NKAIN2: variants seen among roughly 807,000 people sequenced by gnomAD.
NKAIN2 encodes the protein sodium/potassium transporting ATPase interacting 2.
Under a neutral mutation model 32.6 loss-of-function variants are expected in NKAIN2, and 14 were observed. The ratio of observed to expected loss-of-function variants is 0.43; its 90% CI spans 0.28 to 0.67. The LOEUF is 0.67. NKAIN2 is among the 30% of genes least tolerant of loss of function. The pLI, the probability that NKAIN2 is intolerant of heterozygous loss-of-function variation, is 0.17. For missense variants in NKAIN2, 198 were observed against 258.3 expected (o/e 0.77, Z 1.60); for synonymous variants, 80 against 87.2 (o/e 0.92, Z 0.46).
chr6:124,239,486 T>A (rs1562443622), intron 1 of NKAIN2, among the ~76,000 whole-genome samples: 1 of 152,132 alleles, frequency 6.6e-6, no homozygotes. Flanking sequence ...ATTGGCCACA[T>A]AATTGGAAGT....
intron 4 of NKAIN2, among the ~76,000 whole-genome samples, chr6:124,698,750 A>G (rs572292612): frequency 6.6e-6 from 1 of 152,232 alleles, no homozygotes; most frequent in South Asian, 2.1e-4. Flanking sequence ...TTCCTGTCCA[A>G]CTCCAAAGTT....
intron 2 of NKAIN2, among the ~76,000 whole-genome samples, chr6:124,289,098 T>A (rs985059796): frequency 1.3e-5 from 2 of 152,198 alleles, no homozygotes; most frequent in African/African-American, 4.8e-5. Context: ...GTTCTAAGAA[T>A]TGTAAACTCT....
chr6:124,111,316 A>G (rs1231710326), intron 1 of NKAIN2, among the ~76,000 whole-genome samples: 4 of 151,578 alleles, frequency 2.6e-5, no homozygotes, highest in Non-Finnish European at 5.9e-5. Context: ...GTCTCCTGCT[A>G]TTATTGTATT....
intron 1 of NKAIN2, among the ~76,000 whole-genome samples, chr6:124,163,072 A>C (rs1313356396): frequency 6.6e-6 from 1 of 152,060 alleles, no homozygotes; most frequent in African/African-American, 2.4e-5. Flanking sequence ...TGATTTTTTC[A>C]TCTTCATACT....
chr6:123,817,571 C>T (rs1034272767), intron 1 of NKAIN2, among the ~76,000 whole-genome samples: 4 of 152,222 alleles, frequency 2.6e-5, no homozygotes, highest in South Asian at 2.1e-4. Context: ...CTCTTTATCC[C>T]GAGGCCCGTG....
At chr6:124,371,017 C>T (rs1799736649) in intron 3 of NKAIN2, among the ~76,000 whole-genome samples, 1 of 152,184 alleles carries the variant, frequency 6.6e-6, no homozygotes, top group African/African-American at 2.4e-5. Flanking sequence ...AGTGTGTTAA[C>T]TGCGGCATCA....
intron 1 of NKAIN2, among the ~76,000 whole-genome samples, chr6:124,122,171 C>G (rs1028012882): frequency 6.6e-6 from 1 of 151,838 alleles, no homozygotes; most frequent in African/African-American, 2.4e-5. Context: ...TTAAAGTCAC[C>G]CATAATAGCC....
At chr6:123,831,317 G>T (rs1475914391) in intron 1 of NKAIN2, among the ~76,000 whole-genome samples, 1 of 151,500 alleles carries the variant, frequency 6.6e-6, no homozygotes, top group Non-Finnish European at 1.5e-5. Context: ...GACATTTGAT[G>T]AAAATAGTAT....
At chr6:124,300,633 G>A (rs568888410) in intron 2 of NKAIN2, among the ~76,000 whole-genome samples, 1 of 152,288 alleles carries the variant, frequency 6.6e-6, no homozygotes, top group Non-Finnish European at 1.5e-5. Flanking sequence ...CTTGTTGAAT[G>A]GCTTTGATCA....
At chr6:124,214,970 T>G (rs1381035819) in intron 1 of NKAIN2, among the ~76,000 whole-genome samples, 1 of 151,932 alleles carries the variant, frequency 6.6e-6, no homozygotes, top group African/African-American at 2.4e-5. Context: ...TGAGAAAAGC[T>G]GCCGATATAT....
intron 2 of NKAIN2, among the ~76,000 whole-genome samples, chr6:124,283,783 C>T (rs1435992347): frequency 6.6e-6 from 1 of 152,130 alleles, no homozygotes; most frequent in Non-Finnish European, 1.5e-5. Context: ...TGCCTCAGAT[C>T]TCAGCTACTG....
chr6:124,814,504 G>A (rs981976883), intron 5 of NKAIN2, among the ~76,000 whole-genome samples: 3 of 152,118 alleles, frequency 2.0e-5, no homozygotes, highest in Admixed American at 2.0e-4. Context: ...CATCAGCATG[G>A]TCCGAATAAT....
intron 1 of NKAIN2, among the ~76,000 whole-genome samples, chr6:124,265,289 C>A (rs1523981): frequency 0.094 from 14,283 of 151,824 alleles, 1,555 homozygotes; most frequent in African/African-American, 0.25. Context: ...ACAACGGAAA[C>A]AAACTTTGGA....
chr6:123,925,118 T>A (rs982883060), intron 1 of NKAIN2, among the ~76,000 whole-genome samples: 1 of 152,208 alleles, frequency 6.6e-6, no homozygotes, highest in Non-Finnish European at 1.5e-5. Context: ...TGGTTTCTAT[T>A]ATAGGTACTA....
At chr6:124,701,509 CAATA>C (rs1209464376) in intron 4 of NKAIN2, among the ~76,000 whole-genome samples, 1 of 151,876 alleles carries the variant, frequency 6.6e-6, no homozygotes, top group Non-Finnish European at 1.5e-5. Flanking sequence ...CAAACTGGCA[CAATA>C]AATAATAAAC....
At chr6:124,742,446 A>T (rs1441179171) in intron 4 of NKAIN2, among the ~76,000 whole-genome samples, 1 of 151,720 alleles carries the variant, frequency 6.6e-6, no homozygotes, top group African/African-American at 2.4e-5. Flanking sequence ...TATACCAGTG[A>T]CACATTCTCA....
chr6:124,221,807 G>A (rs1275093981), intron 1 of NKAIN2, among the ~76,000 whole-genome samples: 1 of 152,086 alleles, frequency 6.6e-6, no homozygotes, highest in Non-Finnish European at 1.5e-5. Context: ...AAAAAAAGAT[G>A]TATTAGAAAA....
Position 124,553,059 on chromosome 6 carries a change from T to C in NKAIN2, c.274-105127T>C, listed in dbSNP as rs557458634. ...GAATTTGTTTAAGGAGACAGAAATGTCTATACAATTCTTAGTCCTTCTTTT... is the reference window on the plus strand; with the variant it reads ...GAATTTGTTTAAGGAGACAGAAATGCCTATACAATTCTTAGTCCTTCTTTT... On this transcript the variant is annotated intron_variant, in intron 3 of 6. Coordinates refer to ENST00000368417, the MANE Select transcript of NKAIN2 (RefSeq NM_001040214.3). 3.3e-5 allele frequency among the ~76,000 whole-genome samples: 5 copies of C among 152,356 alleles called. No homozygotes were observed. The South Asian group carries it at 6.2e-4, about 19-fold the overall frequency.
At chr6:123,804,442 C>A (rs1233899831) in intron 1 of NKAIN2, among the ~76,000 whole-genome samples, 188 bp downstream of exon 1, 1 of 152,124 alleles carries the variant, frequency 6.6e-6, no homozygotes, top group African/African-American at 2.4e-5. Flanking sequence ...GTGAGCCTTT[C>A]CGTTCCCACC....
Sources: allele counts gnomAD v4.1 joint callset (sites outside exome capture counted in the v4.1 genomes callset), GRCh38; gene constraint gnomAD v4.1.1; transcripts MANE v1.5; gene names NCBI Gene and HGNC (gene_info 2026-07-23, HGNC 2026-07-21).